Variants in DCHS2 observed in about 807,000 individuals in gnomAD.
The protein encoded by DCHS2 is protocadherin-23.
DCHS2 carries 142 observed loss-of-function variants against 182.4 expected under a neutral mutation model. That is an observed-to-expected ratio of 0.78 (90% CI 0.68 to 0.89). The LOEUF is 0.89. Ranked by LOEUF, DCHS2 falls within the 40% of genes least tolerant of loss-of-function variation. The pLI is 0.00. For missense variants in DCHS2, 4,319 were observed against 4,198.6 expected (o/e 1.03, Z -0.79); for synonymous variants, 1,740 against 1,663.3 (o/e 1.05, Z -1.12).
chr4:154,424,545 A>G (rs779752504), intron 1 of DCHS2, among the ~76,000 whole-genome samples: 1 of 152,244 alleles, frequency 6.6e-6, no homozygotes, highest in Non-Finnish European at 1.5e-5. Flanking sequence ...TCTTTTGAGA[A>G]CATGAATCAG....
At chr4:154,308,852 T>C (rs1156657746) in intron 10 of DCHS2, among the ~76,000 whole-genome samples, 1 of 152,174 alleles carries the variant, frequency 6.6e-6, no homozygotes, top group Non-Finnish European at 1.5e-5. Flanking sequence ...ATAAGCAAGC[T>C]CGCAGTGACA....
At chr4:154,295,109 A>C (rs1453795692) in intron 13 of DCHS2, among the ~76,000 whole-genome samples, 1 of 152,222 alleles carries the variant, frequency 6.6e-6, no homozygotes, top group African/African-American at 2.4e-5. Context: ...ACCCCTGGGG[A>C]AAGGAAATCC....
chr4:154,407,403 G>A lies in DCHS2; in HGVS notation c.2053-29959C>T, dbSNP rs896927666. Among the ~76,000 whole-genome samples, 3 of 152,160 alleles carry A rather than the reference G, an allele frequency of 2.0e-5. No individual in the cohort carries two copies. The South Asian group carries it at 6.2e-4, about 32-fold the overall frequency. The stretch of plus-strand genomic sequence containing the variant: ...AGAGCAAAAACTTGGAGCCTCTCAG[G>A]TATGTGGTGGAGGCAGAGGTTATGT... On this transcript the variant is annotated intron_variant, in intron 1 of 19. Coordinates refer to ENST00000357232, the MANE Select transcript of DCHS2 (RefSeq NM_001358235.2).
intron 1 of DCHS2, among the ~76,000 whole-genome samples, chr4:154,457,304 GC>G (rs1325730510): frequency 4.6e-5 from 7 of 152,086 alleles, no homozygotes; most frequent in African/African-American, 1.7e-4. Flanking sequence ...TTCCTCAACT[GC>G]TAACTTTAAA....
At chr4:154,267,800 T>C (rs1733355103) in intron 14 of DCHS2, among the ~76,000 whole-genome samples, 1 of 152,228 alleles carries the variant, frequency 6.6e-6, no homozygotes, top group Non-Finnish European at 1.5e-5. Context: ...GCACCTTCTT[T>C]GTTGGCAGAT....
At chr4:154,408,345 G>C (rs1181417972) in intron 1 of DCHS2, among the ~76,000 whole-genome samples, 5 of 152,114 alleles carry the variant, frequency 3.3e-5, no homozygotes, top group Non-Finnish European at 7.3e-5. Flanking sequence ...AATAAGAATA[G>C]CACTGAAACT....
At chr4:154,440,291 T>C (rs1237441628) in intron 1 of DCHS2, among the ~76,000 whole-genome samples, 1 of 152,200 alleles carries the variant, frequency 6.6e-6, no homozygotes, top group Admixed American at 6.5e-5. Flanking sequence ...AGTGTACGAT[T>C]GATGGTTAGC....
intron 7 of DCHS2, chr4:154,323,345 A>AAG: frequency 6.5e-7 from 1 of 1,548,312 alleles, no homozygotes; most frequent in Non-Finnish European, 8.7e-7. Context: ...AAAAAAAAAA[A>AAG]AAAAGATGAA....
In DCHS2 at chr4:154,236,855, A is replaced by G. The variant is rs761361815; in HGVS notation, c.7797T>C (p.His2599=). 10 of 1,613,998 alleles carry G rather than the reference A, an allele frequency of 6.2e-6. No homozygotes were observed. Among genetic ancestry groups the G allele is most frequent in the Non-Finnish European group, 7.6e-6 (9 of 1,179,982 alleles). ...CTGAATGAAAGAACTTAGTTTCCAC[A>G]TGAAAATTGTTCTGTGAATTACCAC... ...IISGNSQNNF[H]VETKFFHSEY... Residue 2599 remains histidine (H), a synonymous_variant, in exon 20 of 20, where the codon CAT becomes CAC. Transcript: ENST00000357232.
chr4:154,454,878 C>A (rs548071422), intron 1 of DCHS2, among the ~76,000 whole-genome samples: 109 of 152,310 alleles, frequency 7.2e-4, no homozygotes, highest in Non-Finnish European at 1.3e-3. Flanking sequence ...GGATTAAAGG[C>A]AAAGCTCACT....
Position 154,304,692 on chromosome 4 carries a change from C to CT in DCHS2, c.5581dup (p.Arg1861LysfsTer4). 1 of 1,612,032 alleles carries CT rather than the reference C, an allele frequency of 6.2e-7. No individual in the cohort carries two copies. The highest frequency in any genetic ancestry group is 8.5e-7 in the Non-Finnish European group (1 of 1,179,066). On this transcript the variant is annotated frameshift_variant, in exon 12 of 20. Transcript: ENST00000357232. LOFTEE classifies it high-confidence loss of function. Reference sequence around the variant, plus strand: ...ACCAATTATGTGATATTCAACAGCTCTGTTATTGCCAGCATCCATATCAGA... The same window carrying CT: ...ACCAATTATGTGATATTCAACAGCTCTTGTTATTGCCAGCATCCATATCAGA...
Position 154,233,792 on chromosome 4 carries a change from C to CGAG in DCHS2, c.*741_*743dup. On this transcript the variant is annotated 3_prime_UTR_variant, in exon 20 of 20. Coordinates refer to ENST00000357232, the MANE Select transcript of DCHS2 (RefSeq NM_001358235.2). ...GTGGTAGCAAACCACATAAATATTGCGAGTATCAATCCTGGCCCTCTATCA... is the reference window on the plus strand; with the variant it reads ...GTGGTAGCAAACCACATAAATATTGCGAGGAGTATCAATCCTGGCCCTCTATCA... The CGAG allele has an allele frequency of 6.6e-6, 1 of 152,184 alleles. No homozygotes were observed. The highest frequency in any genetic ancestry group is 2.4e-5 in the African/African-American group (1 of 41,522). 9.4% of individuals were successfully genotyped at this position (152,184 alleles called of 1,614,324 possible). A position where few individuals can be genotyped will look rare whatever the true frequency, so the allele number is the denominator to read the frequency against.
At chr4:154,290,358 C>G (rs1288249475) in intron 13 of DCHS2, among the ~76,000 whole-genome samples, 1 of 151,956 alleles carries the variant, frequency 6.6e-6, no homozygotes, top group Non-Finnish European at 1.5e-5. Context: ...TTTAAAATGT[C>G]CATACTATCA....
chr4:154,415,113 T>C (rs1732782613), intron 1 of DCHS2, among the ~76,000 whole-genome samples: 1 of 152,206 alleles, frequency 6.6e-6, no homozygotes, highest in African/African-American at 2.4e-5. Flanking sequence ...TTAGTTATAC[T>C]ACTGAAGACC....
chr4:154,374,011 A>C lies in DCHS2; in HGVS notation c.2244+3242T>G. The C allele has an allele frequency of 4.9e-6, 7 of 1,433,042 alleles. No homozygotes were observed. In the South Asian group the frequency reaches 8.8e-5, roughly 18 times the overall value. 88.8% of individuals were successfully genotyped at this position (1,433,042 alleles called of 1,614,324 possible). On this transcript the variant is annotated intron_variant, in intron 2 of 19. Coordinates refer to ENST00000357232, the MANE Select transcript of DCHS2 (RefSeq NM_001358235.2). ...GTGGATATTTTAATAGCAAAAAAAA[A>C]AAAAAAAAAAAAAACTTGCTTATAT...
chr4:154,278,825 T>C lies in DCHS2; in HGVS notation c.6464-8812A>G, dbSNP rs536744767. 8.9e-4 allele frequency among the ~76,000 whole-genome samples: 136 copies of C among 152,140 alleles called. 1 individual carries two copies. The highest frequency in any genetic ancestry group is 3.0e-3 in the African/African-American group (126 of 41,550). On this transcript the variant is annotated intron_variant, in intron 13 of 19. Coordinates refer to ENST00000357232, the MANE Select transcript of DCHS2 (RefSeq NM_001358235.2). ...ATGAAGGAGAGGTGACTTTCCTAGATAAACAAACGTTGAGGGATTTCAAGT... is the reference window on the plus strand; with the variant it reads ...ATGAAGGAGAGGTGACTTTCCTAGACAAACAAACGTTGAGGGATTTCAAGT...
chr4:154,268,182 C>T (rs891132097), intron 14 of DCHS2, among the ~76,000 whole-genome samples: 4 of 152,118 alleles, frequency 2.6e-5, no homozygotes, highest in Middle Eastern at 6.8e-3. Flanking sequence ...CCTCAGCATA[C>T]AATCTTTTCT....
At chr4:154,315,323 T>G (rs1275215418) in intron 10 of DCHS2, among the ~76,000 whole-genome samples, 1 of 152,168 alleles carries the variant, frequency 6.6e-6, no homozygotes, top group Non-Finnish European at 1.5e-5. Context: ...AGTTTTGGAT[T>G]CAAATCTAGG....
chr4:154,477,218 T>C (rs143869648), intron 1 of DCHS2, among the ~76,000 whole-genome samples: 52 of 152,300 alleles, frequency 3.4e-4, no homozygotes, highest in Admixed American at 9.2e-4. Flanking sequence ...CCTCTTGATG[T>C]AGCCTCACGT....
Sources: allele counts gnomAD v4.1 joint callset (sites outside exome capture counted in the v4.1 genomes callset), GRCh38; gene constraint gnomAD v4.1.1; transcripts MANE v1.5; gene names NCBI Gene and HGNC (gene_info 2026-07-23, HGNC 2026-07-21).